Variants in CPNE7 observed in about 807,000 individuals in gnomAD.
CPNE7 encodes copine-7.
In CPNE7, 78 loss-of-function variants were observed where a neutral mutation model predicts 66.5. The observed-to-expected ratio is 1.17, with a 90% CI of 0.98 to 1.42. CPNE7 has a LOEUF of 1.42. Ranked by LOEUF, CPNE7 falls within the 40% of genes most tolerant of loss-of-function variation. The pLI is 0.00. For missense variants in CPNE7, 1,012 were observed against 776.6 expected, an observed-to-expected ratio of 1.30 and a Z score of -3.60; for synonymous variants, 468 against 336.7, an observed-to-expected ratio of 1.39 and a Z score of -4.27.
chr16:89,586,817 C>T, intron 8 of CPNE7, 61 bp downstream of exon 8: 7 of 1,449,334 alleles, frequency 4.8e-6, no homozygotes, highest in Non-Finnish European at 6.8e-6. Flanking sequence ...CTGCCTCCCT[C>T]TGATTGTTGG....
In CPNE7 at chr16:89,595,404, T is replaced by C. The variant is rs1177992310; in HGVS notation, c.1340T>C (p.Val447Ala). Residue 447 changes from valine (V) to alanine (A), a missense_variant, in exon 14 of 15, where the codon GTG (valine) becomes GCG (alanine). Coordinates refer to ENST00000319518, the MANE Select transcript of CPNE7 (RefSeq NM_153636.3). ...YILLILTDGVVTDMADTREAI... is the reference protein window; with the variant it reads ...YILLILTDGVATDMADTREAI... Reference sequence around the variant, plus strand: ...CTGCTGATCCTGACGGACGGCGTGGTGACCGACATGGCCGACACACGGGAG... The same window carrying C: ...CTGCTGATCCTGACGGACGGCGTGGCGACCGACATGGCCGACACACGGGAG... 3 of 1,596,720 alleles carry C rather than the reference T, an allele frequency of 1.9e-6. No individual in the cohort carries two copies. Among genetic ancestry groups the C allele is most frequent in the Non-Finnish European group, 2.6e-6 (3 of 1,168,318 alleles).
chr16:89,577,682 G>C lies in CPNE7; in HGVS notation c.318G>C (p.Glu106Asp), dbSNP rs765991871. ...GGCCCAGCGGCTTCAGCTGTCAGGA[G>C]GACGATTTCCTGGGGGGCATGGAGT... ...THGPSGFSCQ[E>D]DDFLGGMECT... The change falls in exon 2 of 15, where the codon GAG becomes GAC. Residue 106 changes from glutamate to aspartate, a missense_variant. Coordinates refer to ENST00000319518, the MANE Select transcript of CPNE7 (RefSeq NM_153636.3). 40 of 1,601,196 alleles carry C rather than the reference G, an allele frequency of 2.5e-5. No homozygotes were observed. The highest frequency in any genetic ancestry group is 2.8e-5 in the Non-Finnish European group (33 of 1,174,300).
chr16:89,577,078 C>G (rs1249956609), intron 1 of CPNE7, among the ~76,000 whole-genome samples: 1 of 152,156 alleles, frequency 6.6e-6, no homozygotes, highest in Non-Finnish European at 1.5e-5. Context: ...GCCTACTGGC[C>G]CAGCTGGGTC....
intron 7 of CPNE7, among the ~76,000 whole-genome samples, chr16:89,586,329 G>A (rs1169992743): frequency 6.6e-6 from 1 of 152,022 alleles, no homozygotes; most frequent in Admixed American, 6.5e-5. Flanking sequence ...GTGGGAGGTG[G>A]GGCCAAGGGG....
chr16:89,595,625 C>T lies in CPNE7; in HGVS notation c.1539+22C>T, dbSNP rs746258581. 76 of 1,579,976 alleles carry T rather than the reference C, an allele frequency of 4.8e-5. No homozygotes were observed. The East Asian group carries it at 8.8e-4, about 18-fold the overall frequency. On this transcript the variant is annotated intron_variant, in intron 14 of 14. Coordinates refer to ENST00000319518, the MANE Select transcript of CPNE7 (RefSeq NM_153636.3). The stretch of plus-strand genomic sequence containing the variant: ...GAACGTGAGTGTCCTGGAGGGGCTC[C>T]GTCAAGGCCGGCTTGGGGGTCCCTG...
chr16:89,596,701 A>C lies in CPNE7; in HGVS notation c.*80A>C. The C allele has an allele frequency of 7.1e-7, 1 of 1,414,524 alleles. No individual in the cohort carries two copies. The highest frequency in any genetic ancestry group is 9.2e-7 in the Non-Finnish European group (1 of 1,083,722). The allele number at this position is 1,414,524 out of a possible 1,614,324, so 87.6% of individuals were successfully genotyped here. A position where few individuals can be genotyped will look rare whatever the true frequency, so the allele number is the denominator to read the frequency against. On this transcript the variant is annotated 3_prime_UTR_variant, in exon 15 of 15. Coordinates refer to ENST00000319518, the MANE Select transcript of CPNE7 (RefSeq NM_153636.3). ...TCTGCAACATGCTTGGGGTCCCTTA[A>C]GCTCCCTCCGACCTCCCAGAAGCCT...
intron 13 of CPNE7, among the ~76,000 whole-genome samples, chr16:89,592,448 A>AT (rs560239607): frequency 0.11 from 14,768 of 136,432 alleles, 1,066 homozygotes; most frequent in Admixed American, 0.21. Flanking sequence ...TTCTTTTTCA[A>AT]TTTTTTTTTT....
chr16:89,591,777 G>A (rs1236706970), intron 13 of CPNE7, among the ~76,000 whole-genome samples: 1 of 151,684 alleles, frequency 6.6e-6, no homozygotes, highest in African/African-American at 2.4e-5. Flanking sequence ...CCAGCTCACT[G>A]CAACCTCTGC....
chr16:89,576,493 G>T (rs982598095), intron 1 of CPNE7, among the ~76,000 whole-genome samples: 5 of 152,058 alleles, frequency 3.3e-5, no homozygotes, highest in Non-Finnish European at 2.9e-5. Flanking sequence ...GCGAGGGAGC[G>T]CGCGCTGGGG....
In CPNE7 at chr16:89,591,202, CCAT is replaced by C; in HGVS notation, c.1249_1251del (p.Ile417del). The C allele has an allele frequency of 6.3e-7, 1 of 1,596,830 alleles. No individual in the cohort carries two copies. On this transcript the variant is annotated inframe_deletion, in exon 13 of 15. Coordinates refer to ENST00000319518, the MANE Select transcript of CPNE7 (RefSeq NM_153636.3). ...CTCTACGGCCCCACCAACGTGGCGC[CCAT>C]CATCTCCAAGGTGGCACGCGTGGCG...
At chr16:89,583,496 A>C in intron 2 of CPNE7, 1 of 1,556,058 alleles carries the variant, frequency 6.4e-7, no homozygotes, top group Non-Finnish European at 8.7e-7. Flanking sequence ...GAGGTGGTGG[A>C]CGTGCAGGGG....
chr16:89,581,533 C>T (rs548417199), intron 2 of CPNE7, among the ~76,000 whole-genome samples: 85 of 152,222 alleles, frequency 5.6e-4, no homozygotes, highest in Non-Finnish European at 1.0e-3. Context: ...CAGCCTCGGT[C>T]GGAGCTGGCG....
chr16:89,584,477 G>A lies in CPNE7; in HGVS notation c.508-297G>A, dbSNP rs994806205. On this transcript the variant is annotated intron_variant, in intron 4 of 14. Coordinates refer to ENST00000319518, the MANE Select transcript of CPNE7 (RefSeq NM_153636.3). The surrounding 1 kb of genome is among the most constrained non-coding windows in gnomAD (Gnocchi z 6.0). ...GCAGAACAGGGTCCAACCCCGCCAT[G>A]TAGGGCGTCTCCCTGGAGGGGCTGA... Among the ~76,000 whole-genome samples the A allele has an allele frequency of 6.6e-6, 1 of 152,204 alleles. No individual in the cohort carries two copies. Among genetic ancestry groups the A allele is most frequent in the Non-Finnish European group, 1.5e-5 (1 of 68,030 alleles).
intron 11 of CPNE7, among the ~76,000 whole-genome samples, chr16:89,590,290 C>T (rs1429554199): frequency 1.3e-5 from 2 of 152,080 alleles, no homozygotes; most frequent in East Asian, 1.9e-4. Context: ...TTTGGGAGGC[C>T]GAGGCGGGCC....
Position 89,583,561 on chromosome 16 carries a change from C to T in CPNE7, c.358-136C>T, listed in dbSNP as rs775593028. 6 of 1,593,936 alleles carry T rather than the reference C, an allele frequency of 3.8e-6. No individual in the cohort carries two copies. The African/African-American group carries it at 4.0e-5, about 11-fold the overall frequency. ...AGAGCAGCCACAAAGGGGGCGCGGGCCCTGGGCAGTGAAGCTCATGGTGGG... is the reference window on the plus strand; with the variant it reads ...AGAGCAGCCACAAAGGGGGCGCGGGTCCTGGGCAGTGAAGCTCATGGTGGG... On this transcript the variant is annotated intron_variant, in intron 2 of 14. Transcript: ENST00000319518.
chr16:89,585,826 G>A (rs2059028133), intron 7 of CPNE7, 41 bp downstream of exon 7: 1 of 905,816 alleles, frequency 1.1e-6, no homozygotes, highest in Non-Finnish European at 1.6e-6. Context: ...GGAGGGTCAG[G>A]TGGGGGTGGA....
intron 13 of CPNE7, among the ~76,000 whole-genome samples, chr16:89,591,810 C>T (rs936314479): frequency 6.6e-6 from 1 of 152,004 alleles, no homozygotes; most frequent in Non-Finnish European, 1.5e-5. Flanking sequence ...ACGCCATTCT[C>T]CTGCCTCAGC....
chr16:89,582,030 A>C (rs890030453), intron 2 of CPNE7, among the ~76,000 whole-genome samples: 1 of 152,236 alleles, frequency 6.6e-6, no homozygotes, highest in African/African-American at 2.4e-5. Context: ...AAGCACACAC[A>C]CAGGGTCCGT....
rs776690752 is a variant in CPNE7, at chr16:89,584,733, C to G, written c.508-41C>G. On this transcript the variant is annotated intron_variant, in intron 4 of 14. Transcript: ENST00000319518. This position sits in a 1 kb window ranked among gnomAD's most constrained non-coding sequence, Gnocchi z 6.0. ...AGCCAGCTCCCATCCAAAGCCCGAT[C>G]TCACAGTGCCTGGCCCAGCAGCCCT... 6.7e-7 allele frequency: 1 copy of G among 1,502,100 alleles called. No individual in the cohort carries two copies. Among genetic ancestry groups the G allele is most frequent in the Non-Finnish European group, 9.2e-7 (1 of 1,082,528 alleles). The allele number at this position is 1,502,100 out of a possible 1,614,324, so 93.0% of individuals were successfully genotyped here.
Sources: gnomAD v4.1 joint callset for allele counts (sites outside exome capture counted in the v4.1 genomes callset) on GRCh38, gnomAD v4.1.1 for gene constraint, Gnocchi (gnomAD v3.1) non-coding constraint, MANE v1.5 for transcripts, NCBI Gene and HGNC (gene_info 2026-07-23, HGNC 2026-07-21) for gene names.